The following TRPM5 variants were observed in gnomAD, a reference collection of about 807,000 sequenced individuals.
The protein encoded by TRPM5 is transient receptor potential cation channel subfamily M member 5, also known as MLSN1 and TRP-related.
In TRPM5, 121 loss-of-function variants were observed where a neutral mutation model predicts 124.9. The ratio of observed to expected loss-of-function variants is 0.97; its 90% CI spans 0.84 to 1.13. The LOEUF is 1.13. Among genes scored for constraint, TRPM5 ranks in the 50% most tolerant of loss-of-function variants. TRPM5 has a pLI of 0.00. For synonymous variants in TRPM5, 781 were observed against 700.5 expected, an observed-to-expected ratio of 1.11 and a Z score of -1.81; for missense variants, 1,643 against 1,589.1, an observed-to-expected ratio of 1.03 and a Z score of -0.58.
chr11:2,405,508 G>T lies in TRPM5; in HGVS notation c.3391+19C>A. The T allele has an allele frequency of 6.4e-7, 1 of 1,552,608 alleles. No individual in the cohort carries two copies. The highest frequency in any genetic ancestry group is 8.7e-7 in the Non-Finnish European group (1 of 1,148,062). ...GTGCCCATGCCCACCCTCATCCCAC[G>T]CTCCCCAAACAGGCTTACTCCGGGG... On this transcript the variant is annotated intron_variant, in intron 23 of 23. Transcript: ENST00000155858.
intron 7 of TRPM5, 126 bp from the exon 13 acceptor site, chr11:2,416,150 G>A (rs1421074011): frequency 1.1e-5 from 7 of 630,502 alleles, no homozygotes; most frequent in Non-Finnish European, 1.9e-5. Flanking sequence ...GGGACTTGAG[G>A]GGGCACATGC....
chr11:2,405,981 G>C (rs7938864), intron 22 of TRPM5, 38 bp downstream of exon 27: 11 of 1,566,546 alleles, frequency 7.0e-6, no homozygotes, highest in Non-Finnish European at 8.7e-6. Flanking sequence ...GCAGCCACCC[G>C]CCTCCCATCA....
upstream of TRPM5, chr11:2,423,136 GA>G: frequency 1.0e-6 from 1 of 967,582 alleles, no homozygotes; most frequent in Non-Finnish European, 1.6e-6. Flanking sequence ...TTTCCCCTGG[GA>G]AGCCCCTCTC....
chr11:2,418,350 G>T, exon 6 of TRPM5: 1 of 1,552,560 alleles, frequency 6.4e-7, no homozygotes, highest in Non-Finnish European at 8.7e-7. Flanking sequence ...CCACGGCCCT[G>T]GAGATCCTCT....
At chr11:2,441,557 T>C in the TRPM5 span, among the ~76,000 whole-genome samples, 1 of 152,006 alleles carries the variant, frequency 6.6e-6, no homozygotes, top group Non-Finnish European at 1.5e-5. This position sits in a 1 kb window ranked among gnomAD's most constrained non-coding sequence, Gnocchi z 7.2. Flanking sequence ...AGACAATCCC[T>C]TGTCCAGTCT....
At chr11:2,409,286 C>G (rs1452683351) in intron 18 of TRPM5, among the ~76,000 whole-genome samples, 2 of 152,172 alleles carry the variant, frequency 1.3e-5, no homozygotes, top group African/African-American at 4.8e-5. Flanking sequence ...TGATGACCCC[C>G]TCTCCTCCCT....
In TRPM5 at chr11:2,411,455, C is replaced by G. The variant is rs767855754; in HGVS notation, c.2679G>C (p.Ala893=). 4.3e-6 allele frequency: 7 copies of G among 1,612,150 alleles called. No individual in the cohort carries two copies. The South Asian group carries it at 6.6e-5, about 15-fold the overall frequency. Residue 893 remains alanine (A), a synonymous_variant, in exon 18 of 24, where the codon GCG becomes GCC. Coordinates refer to ENST00000155858, the Ensembl canonical transcript of TRPM5. ...GGCGGCCGTCATGGGGGTGCAGCAG[C>G]GCCTGGGTGGTGACACCGTAGGCCA...
intron 5 of TRPM5, 58 bp from the exon 11 acceptor site, chr11:2,418,416 C>T: frequency 6.6e-7 from 1 of 1,515,364 alleles, no homozygotes; most frequent in Non-Finnish European, 8.9e-7. Context: ...CATCTGGATG[C>T]AGGTGTCAGG....
chr11:2,414,754 G>T, exon 11 of TRPM5: 1 of 1,547,298 alleles, frequency 6.5e-7, no homozygotes. Context: ...CGCGTGGCTC[G>T]GGCCGCCTCG....
At chr11:2,409,113 G>A (rs975029629) in intron 18 of TRPM5, among the ~76,000 whole-genome samples, 3 of 152,102 alleles carry the variant, frequency 2.0e-5, no homozygotes, top group Admixed American at 6.5e-5. Context: ...TGTTTCTCCC[G>A]AGTGAGTTAG....
chr11:2,435,362 TCACTCACCCACC>T, the TRPM5 span, among the ~76,000 whole-genome samples: 2 of 151,870 alleles, frequency 1.3e-5, no homozygotes, highest in Non-Finnish European at 2.9e-5. This position sits in a 1 kb window ranked among gnomAD's most constrained non-coding sequence, Gnocchi z 4.1. Context: ...ATCCACCCAC[TCACTCACCCACC>T]CACTCATGCA....
chr11:2,404,772 G>C lies in TRPM5; in HGVS notation c.*165C>G, dbSNP rs147886262. 5.1e-6 allele frequency: 3 copies of C among 593,010 alleles called. No homozygotes were observed. In the East Asian group the frequency reaches 8.7e-5, roughly 17 times the overall value. The allele number at this position is 593,010 out of a possible 1,614,324, so 36.7% of individuals were successfully genotyped here. On this transcript the variant is annotated 3_prime_UTR_variant, in exon 24 of 24. Coordinates refer to ENST00000155858, the Ensembl canonical transcript of TRPM5. ...GGGGAGGCCAGGAGGGACAAGGAGC[G>C]GTTCCTTTGGGTGAGGGTCTGTGGT...
At chr11:2,411,893 C>T (rs1004643777) in intron 16 of TRPM5, 126 bp from the exon 22 acceptor site, 2 of 1,209,320 alleles carry the variant, frequency 1.7e-6, no homozygotes, top group Admixed American at 4.9e-5. Context: ...CCCTGAGTGG[C>T]TTCATCTTTT....
intron 12 of TRPM5, 46 bp downstream of exon 17, chr11:2,414,015 C>CCCCCCCCCCCCCCG: frequency 1.3e-6 from 1 of 752,952 alleles, no homozygotes; most frequent in Non-Finnish European, 2.1e-6. Context: ...GCTCGCCCGC[C>CCCCCCCCCCCCCCG]CACCCCACCC....
upstream of TRPM5, chr11:2,423,150 G>T: frequency 2.4e-6 from 2 of 825,768 alleles, no homozygotes; most frequent in Non-Finnish European, 3.8e-6. Flanking sequence ...CCCCTCTCCA[G>T]CCAACATGCA....
At chr11:2,416,947 G>A (rs1464416133) in intron 7 of TRPM5, among the ~76,000 whole-genome samples, 1 of 152,184 alleles carries the variant, frequency 6.6e-6, no homozygotes, top group Non-Finnish European at 1.5e-5. Flanking sequence ...CTTCAACACG[G>A]AGGAACCGTC....
chr11:2,412,676 G>T (rs1043190708), intron 15 of TRPM5, 78 bp downstream of exon 20: 5 of 1,434,406 alleles, frequency 3.5e-6, no homozygotes, highest in South Asian at 1.5e-5. Context: ...GCCCCACCCT[G>T]CGAGGGCAGG....
At chr11:2,419,724 T>C (rs1418115054) in intron 4 of TRPM5, among the ~76,000 whole-genome samples, 1 of 152,238 alleles carries the variant, frequency 6.6e-6, no homozygotes. Context: ...TAAATAATTA[T>C]ATGCTTTGTT....
the TRPM5 span, among the ~76,000 whole-genome samples, chr11:2,434,245 CGTGGACACTGTGTGTGCGTCTGT>C: frequency 4.3e-5 from 6 of 139,896 alleles, no homozygotes; most frequent in Non-Finnish European, 6.2e-5. Flanking sequence ...CATGTGTGTG[CGTGGACACTGTGTGTGCGTCTGT>C]GTGGACACTG....
Sources: gnomAD v4.1 joint callset for allele counts (sites outside exome capture counted in the v4.1 genomes callset) on GRCh38, gnomAD v4.1.1 for gene constraint, Gnocchi (gnomAD v3.1) non-coding constraint, MANE v1.5 for transcripts, NCBI Gene and HGNC (gene_info 2026-07-23, HGNC 2026-07-21) for gene names.